The following LAMA5 variants were observed in gnomAD, a reference collection of about 807,000 sequenced individuals.
LAMA5 encodes the protein laminin subunit alpha-5.
LAMA5 carries 260 observed loss-of-function variants against 433.4 expected under a neutral mutation model. The ratio of observed to expected loss-of-function variants is 0.60; its 90% CI spans 0.54 to 0.66. The LOEUF is 0.66. Ranked by LOEUF, LAMA5 falls within the 30% of genes least tolerant of loss-of-function variation. The pLI is 0.00. For synonymous variants in LAMA5, 2,620 were observed against 2,226.6 expected, an observed-to-expected ratio of 1.18 and a Z score of -4.97; for missense variants, 5,378 against 5,258.5, an observed-to-expected ratio of 1.02 and a Z score of -0.70.
rs1223689416 is a variant in LAMA5 at position 62,320,640 on chromosome 20, G to T, written c.6678C>A (p.Arg2226=). Residue 2226 remains arginine (R), a synonymous_variant, in exon 50 of 80, where the codon CGC becomes CGA. Coordinates refer to ENST00000252999, the MANE Select transcript of LAMA5 (RefSeq NM_005560.6). ...CCTCCAGCTGCTGTGCCGTCTCATGGCGGGGGCCCAGGGGGCTCCGGAGCT... is the reference window on the plus strand; with the variant it reads ...CCTCCAGCTGCTGTGCCGTCTCATGTCGGGGGCCCAGGGGGCTCCGGAGCT... ...QSQLRSPLGP[R]HETAQQLEVL... 1.9e-6 allele frequency: 3 copies of T among 1,608,836 alleles called. No homozygotes were observed. Among genetic ancestry groups the T allele is most frequent in the Admixed American group, 3.4e-5 (2 of 59,540 alleles).
chr20:62,333,852 G>GTGGGGTGGGGTGGGC lies in LAMA5; in HGVS notation c.2878+48_2878+49insGCCCACCCCACCCCA, dbSNP rs1555879234. On this transcript the variant is annotated intron_variant, in intron 23 of 79. Coordinates refer to ENST00000252999, the MANE Select transcript of LAMA5 (RefSeq NM_005560.6). ...GGGCTTGGGAGTGGGGTGGGGTGGG[G>GTGGGGTGGGGTGGGC]TGGGCTGGGCTGGTGGGGCAGGGGC... is the stretch of plus-strand genomic sequence containing the variant. The GTGGGGTGGGGTGGGC allele has an allele frequency of 1.3e-4, 181 of 1,434,304 alleles. No homozygotes were observed. The Middle Eastern group carries it at 1.7e-3, about 14-fold the overall frequency. 88.8% of individuals were successfully genotyped at this position (1,434,304 alleles called of 1,614,324 possible).
intron 68 of LAMA5, 22 bp downstream of exon 68, chr20:62,312,378 C>T (rs374143773): frequency 3.1e-6 from 5 of 1,599,690 alleles, no homozygotes; most frequent in Admixed American, 3.3e-5. Context: ...ATGCCACCCC[C>T]AGCCCGGGGA....
Position 62,314,450 on chromosome 20 carries a change from T to C in LAMA5, c.8368-10A>G, listed in dbSNP as rs1229133619. On this transcript the variant is annotated splice_polypyrimidine_tract_variant and intron_variant, in intron 61 of 79. Coordinates refer to ENST00000252999, the MANE Select transcript of LAMA5 (RefSeq NM_005560.6). Reference sequence around the variant, plus strand: ...TGTAGTCCCCAGTGGCCTGCGGCAGTGACAGACACACAGTCGGGATGGGGA... The same window carrying C: ...TGTAGTCCCCAGTGGCCTGCGGCAGCGACAGACACACAGTCGGGATGGGGA... The C allele has an allele frequency of 3.7e-6, 6 of 1,612,922 alleles. No individual in the cohort carries two copies. The African/African-American group carries it at 6.7e-5, about 18-fold the overall frequency.
intron 63 of LAMA5, 40 bp downstream of exon 63, chr20:62,313,609 C>T (rs199934422): frequency 8.6e-5 from 139 of 1,607,598 alleles, no homozygotes; most frequent in Non-Finnish European, 1.0e-4. Context: ...CTCGGGGCTG[C>T]GGAGCCCCTC....
At chr20:62,313,553 G>C (rs1023003174) in intron 63 of LAMA5, 93 bp from the exon 64 acceptor site, 1 of 1,567,506 alleles carries the variant, frequency 6.4e-7, no homozygotes, top group Non-Finnish European at 8.6e-7. Flanking sequence ...AGGACGGACT[G>C]AGGCAAGATA....
At position 62,332,719 on chromosome 20, in the gene LAMA5, T is replaced by G; in HGVS notation, c.3283-2A>C. The G allele has an allele frequency of 6.2e-7, 1 of 1,610,140 alleles. No individual in the cohort carries two copies. Among genetic ancestry groups the G allele is most frequent in the Non-Finnish European group, 8.5e-7 (1 of 1,178,878 alleles). The stretch of plus-strand genomic sequence containing the variant: ...TGCCACTTGAAGCTGGACGTCCACC[T>G]GCAGGGAAGGCAGGGTGACGGGAGG... On this transcript the variant is annotated splice_acceptor_variant, in intron 26 of 79. Transcript: ENST00000252999. LOFTEE classifies it high-confidence loss of function.
chr20:62,352,349 C>T lies in LAMA5; in HGVS notation c.580G>A (p.Asp194Asn), dbSNP rs1307854974. The T allele has an allele frequency of 6.3e-7, 1 of 1,598,822 alleles. No homozygotes were observed. The highest frequency in any genetic ancestry group is 8.5e-7 in the Non-Finnish European group (1 of 1,179,438). Residue 194 changes from aspartate (D) to asparagine (N), a missense_variant, in exon 4 of 80, where the codon GAC (aspartate) becomes AAC (asparagine). Physicochemically the swap from Asp to Asn is conservative, Grantham distance 23. Transcript: ENST00000252999. The stretch of plus-strand genomic sequence containing the variant: ...TGTGGCCCGAACCGCTCCAGACAGT[C>T]CCTCTTGGAGGCTGCGGGGAATGGC... ...PWQFFASSKR[D>N]CLERFGPQTL... is the part of the protein sequence containing the mutation.
At chr20:62,334,744 C>CGAGG in intron 20 of LAMA5, 123 bp from the exon 21 acceptor site, 1 of 674,558 alleles carries the variant, frequency 1.5e-6, no homozygotes, top group Non-Finnish European at 2.3e-6. Flanking sequence ...GGGCTCAGGG[C>CGAGG]TCAGGGCTCA....
intron 34 of LAMA5, 105 bp downstream of exon 34, chr20:62,328,739 C>T: frequency 8.5e-7 from 1 of 1,172,584 alleles, no homozygotes; most frequent in Non-Finnish European, 1.2e-6. Context: ...GCTGCCCTGC[C>T]AGGCTCTAGA....
Position 62,328,889 on chromosome 20 carries a change from A to G in LAMA5, c.4402T>C (p.Cys1468Arg). The change falls in exon 34 of 80, where the codon TGC (cysteine) becomes CGC (arginine). Residue 1468 changes from cysteine to arginine, a missense_variant. By Grantham distance (180) the Cys-to-Arg change is radical (BLOSUM62 -3). Transcript: ENST00000252999. ...CAGTATCCGGTGGCACAGCGGGAGC[A>G]GTCACGGCCAATGACATGGGCATGG... ...PCHAHVIGRD[C>R]SRCATGYWGF... 2.5e-6 allele frequency: 4 copies of G among 1,611,842 alleles called. No individual in the cohort carries two copies. Among genetic ancestry groups the G allele is most frequent in the Non-Finnish European group, 3.4e-6 (4 of 1,179,436 alleles).
At position 62,352,094 on chromosome 20, in the gene LAMA5, C is replaced by G. The variant is rs755149222; in HGVS notation, c.688-15G>C. The G allele has an allele frequency of 6.2e-7, 1 of 1,609,176 alleles. No individual in the cohort carries two copies. Among genetic ancestry groups the G allele is most frequent in the Non-Finnish European group, 8.5e-7 (1 of 1,179,214 alleles). On this transcript the variant is annotated splice_polypyrimidine_tract_variant and intron_variant, in intron 4 of 79. Transcript: ENST00000252999. ...GACACCACGATCTGTGGGCAGTATG[C>G]GGTGACGCCAGTGTGGCCCTAGCCC...
At chr20:62,330,464 C>G in intron 31 of LAMA5, 24 bp downstream of exon 31, 2 of 1,517,714 alleles carry the variant, frequency 1.3e-6, no homozygotes, top group South Asian at 2.5e-5. Context: ...GGTAGCCTCT[C>G]CACCCCCCAC....
rs1230312446 is a variant in LAMA5 at position 62,324,991 on chromosome 20, A to C, written c.5529+325T>G. ...GTGGGCGAGGGATGGGCAGAATGACAGGCAGACGCCAGGATGGTCGGTGGG... is the reference window on the plus strand; with the variant it reads ...GTGGGCGAGGGATGGGCAGAATGACCGGCAGACGCCAGGATGGTCGGTGGG... On this transcript the variant is annotated intron_variant, in intron 41 of 79. Transcript: ENST00000252999. The surrounding 1 kb of genome is among the most constrained non-coding windows in gnomAD (Gnocchi z 4.4). 1 of 408,964 alleles carries C rather than the reference A, an allele frequency of 2.4e-6. No homozygotes were observed. Among genetic ancestry groups the C allele is most frequent in the Non-Finnish European group, 4.5e-6 (1 of 223,654 alleles). 25.3% of individuals were successfully genotyped at this position (408,964 alleles called of 1,614,324 possible).
At position 62,313,178 on chromosome 20, in the gene LAMA5, G is replaced by A; in HGVS notation, c.8865C>T (p.Ser2955=). The A allele has an allele frequency of 1.3e-6, 2 of 1,583,498 alleles. No homozygotes were observed. Among genetic ancestry groups the A allele is most frequent in the Non-Finnish European group, 8.6e-7 (1 of 1,169,044 alleles). The change falls in exon 65 of 80, where the codon AGC becomes AGT. Residue 2955 remains serine, a synonymous_variant. Coordinates refer to ENST00000252999, the MANE Select transcript of LAMA5 (RefSeq NM_005560.6). ...TGGTGGTGCTGATCTGACTGTCGAA[G>A]CTGATGCGGGCGAAGCCGGTGCCGT... The part of the protein sequence containing the change: ...YLDGTGFARI[S]FDSQISTTKR...
intron 6 of LAMA5, chr20:62,351,381 G>A (rs1007926776): frequency 2.0e-6 from 1 of 497,058 alleles, no homozygotes; most frequent in Non-Finnish European, 3.6e-6. Context: ...CCCTCCACAG[G>A]GCCCCAGGTG....
rs765865234 is a variant in LAMA5, at chr20:62,346,690, C to T, written c.1183G>A (p.Asp395Asn). Residue 395 changes from aspartate (D) to asparagine (N), a missense_variant, in exon 8 of 80, where the codon GAC becomes AAC. Transcript: ENST00000252999. The part of the protein sequence containing the change: ...GTYQGGGVCI[D>N]CQHHTTGVNC... ...CCTCTAGCCCAGCCCACCTGGCAGT[C>T]GATACAGACACCCCCACCCTGATAG... is the stretch of plus-strand genomic sequence containing the variant. 1.5e-5 allele frequency: 24 copies of T among 1,612,984 alleles called. 1 individual carries two copies. The highest frequency in any genetic ancestry group is 6.7e-5 in the East Asian group (3 of 44,878).
Position 62,324,218 on chromosome 20 carries a change from G to C in LAMA5, c.5644-14C>G. On this transcript the variant is annotated splice_polypyrimidine_tract_variant and intron_variant, in intron 42 of 79. Transcript: ENST00000252999. The surrounding 1 kb of genome is among the most constrained non-coding windows in gnomAD (Gnocchi z 4.4). ...GTGCTGGCAGTCCTGGGGCAGAGTG[G>C]ACAGTCAGAGCTATGGTGGACACCC... 1.3e-6 allele frequency: 2 copies of C among 1,577,768 alleles called. No homozygotes were observed. Among genetic ancestry groups the C allele is most frequent in the Non-Finnish European group, 1.7e-6 (2 of 1,171,520 alleles).
Position 62,322,360 on chromosome 20 carries a change from G to T in LAMA5, c.6255C>A (p.Ser2085Arg). The T allele has an allele frequency of 6.3e-7, 1 of 1,592,772 alleles. No individual in the cohort carries two copies. Among genetic ancestry groups the T allele is most frequent in the Non-Finnish European group, 8.5e-7 (1 of 1,171,386 alleles). The change falls in exon 47 of 80, where the codon AGC (serine) becomes AGA (arginine). Residue 2085 changes from serine (S) to arginine (R), a missense_variant. Coordinates refer to ENST00000252999, the MANE Select transcript of LAMA5 (RefSeq NM_005560.6). ...TCCCTGGTCGGCAGTGGCACTGTCC[G>T]CTCTGGGGGTGGCACTCGGAGCCCT... is the stretch of plus-strand genomic sequence containing the variant. ...AAEGSECHPQ[S>R]GQCHCRPGTM...
Position 62,312,721 on chromosome 20 carries a change from G to T in LAMA5, c.9138C>A (p.Ala3046=). 1 of 1,599,180 alleles carries T rather than the reference G, an allele frequency of 6.3e-7. No homozygotes were observed. The highest frequency in any genetic ancestry group is 8.5e-7 in the Non-Finnish European group (1 of 1,174,096). Residue 3046 remains alanine, a synonymous_variant, in exon 67 of 80, where the codon GCC becomes GCA. Transcript: ENST00000252999. ...RKRVLVRVER[A]TVYSVEQDND... ...TGTCCTGCTCCACGCTGTACACCGT[G>T]GCCCGCTCCACACGCACCAGCACAC...
Sources: gnomAD v4.1 joint callset for allele counts on GRCh38, gnomAD v4.1.1 for gene constraint, Gnocchi (gnomAD v3.1) non-coding constraint, MANE v1.5 for transcripts, NCBI Gene and HGNC (gene_info 2026-07-23, HGNC 2026-07-21) for gene names.